Variants in SNX31 observed in about 807,000 individuals in gnomAD.
SNX31 encodes the protein sorting nexin 31, also known as sorting nexin-31.
SNX31 carries 58 observed loss-of-function variants against 65.4 expected under a neutral mutation model. The observed-to-expected ratio is 0.89, with a 90% CI of 0.72 to 1.10. The LOEUF (loss-of-function observed/expected upper bound fraction) is 1.10. Among genes scored for constraint, SNX31 ranks in the 50% least tolerant of loss-of-function variants. The pLI, the probability that SNX31 is intolerant of heterozygous loss-of-function variation, is 0.00. For missense variants in SNX31, 523 were observed against 529.7 expected, an observed-to-expected ratio of 0.99 and a Z score of 0.12; for synonymous variants, 181 against 190.1, an observed-to-expected ratio of 0.95 and a Z score of 0.39.
At chr8:100,579,147 T>G (rs527655175) in intron 12 of SNX31, among the ~76,000 whole-genome samples, 8 of 152,310 alleles carry the variant, frequency 5.3e-5, no homozygotes, top group African/African-American at 1.9e-4. Context: ...TAAATAGTCT[T>G]GCAGCCATGA....
chr8:100,612,649 T>C lies in SNX31; in HGVS notation c.523+346A>G, dbSNP rs1816814037. On this transcript the variant is annotated intron_variant, in intron 6 of 13. Coordinates refer to ENST00000311812, the MANE Select transcript of SNX31 (RefSeq NM_152628.4). The surrounding 1 kb of genome is among the most constrained non-coding windows in gnomAD (Gnocchi z 4.3). ...TTAACAAGGAGAAATGATGCTGTGG[T>C]GGGGCGTCCTGACCCCTGGAGTCTA... Among the ~76,000 whole-genome samples, 1 of 152,010 alleles carries C rather than the reference T, an allele frequency of 6.6e-6. No individual in the cohort carries two copies. Among genetic ancestry groups the C allele is most frequent in the African/African-American group, 2.4e-5 (1 of 41,402 alleles).
At chr8:100,615,521 G>A (rs1394419573) in intron 5 of SNX31, among the ~76,000 whole-genome samples, 1 of 152,174 alleles carries the variant, frequency 6.6e-6, no homozygotes, top group Non-Finnish European at 1.5e-5. Context: ...TTAATGACAG[G>A]AATACATTCT....
chr8:100,658,278 A>G (rs539142353), intron 1 of SNX31, among the ~76,000 whole-genome samples: 29 of 152,266 alleles, frequency 1.9e-4, no homozygotes, highest in Admixed American at 1.9e-3. Context: ...CTGTTGGAAA[A>G]ATGCCTCCCT....
chr8:100,585,068 C>A (rs182876091), intron 11 of SNX31, among the ~76,000 whole-genome samples: 220 of 152,234 alleles, frequency 1.4e-3, no homozygotes, highest in African/African-American at 5.0e-3. Context: ...ATGTTCTAGA[C>A]TCATAGTCAC....
intron 12 of SNX31, among the ~76,000 whole-genome samples, chr8:100,580,614 C>T (rs1813411421): frequency 6.6e-6 from 1 of 152,118 alleles, no homozygotes; most frequent in Non-Finnish European, 1.5e-5. Flanking sequence ...TACTTGCTGC[C>T]TAGAATGTGG....
intron 2 of SNX31, among the ~76,000 whole-genome samples, 188 bp from the exon 3 acceptor site, chr8:100,636,199 T>C (rs889819069): frequency 1.3e-5 from 2 of 152,238 alleles, no homozygotes; most frequent in African/African-American, 4.8e-5. Context: ...CAGTATATAT[T>C]CTGGAGACAT....
At chr8:100,639,320 A>G (rs1162003654) in intron 2 of SNX31, among the ~76,000 whole-genome samples, 2 of 152,236 alleles carry the variant, frequency 1.3e-5, no homozygotes, top group Admixed American at 6.5e-5. Context: ...GGTGAGAAAA[A>G]AAGTGCTGAC....
intron 4 of SNX31, among the ~76,000 whole-genome samples, chr8:100,620,230 G>T (rs1380505050): frequency 6.6e-6 from 1 of 152,144 alleles, no homozygotes; most frequent in East Asian, 1.9e-4. Context: ...TGGGGCTCAG[G>T]TCAGCTGACC....
At chr8:100,652,516 G>T (rs539017826), upstream of SNX31, among the ~76,000 whole-genome samples, 1 of 152,134 alleles carries the variant, frequency 6.6e-6, no homozygotes, top group African/African-American at 2.4e-5. Flanking sequence ...ACCTTATGGA[G>T]CCTAAGCTTA....
intron 10 of SNX31, among the ~76,000 whole-genome samples, chr8:100,591,260 A>T (rs1814548404): frequency 6.6e-6 from 1 of 152,200 alleles, no homozygotes. Context: ...GAGACAATAG[A>T]CAAGATGTCA....
chr8:100,573,351 G>C lies in SNX31; in HGVS notation c.*514C>G, dbSNP rs1812782864. The C allele has an allele frequency of 6.6e-6, 1 of 152,208 alleles. No homozygotes were observed. The allele number at this position is 152,208 out of a possible 1,614,324, so 9.4% of individuals were successfully genotyped here. ...TCCTTGCTCTAGTTCTGTGTGGATA[G>C]ATCAGAGAACCCAGGTTTCTTTTTC... On this transcript the variant is annotated 3_prime_UTR_variant, in exon 14 of 14. Transcript: ENST00000311812.
chr8:100,599,607 G>T (rs1033889194), intron 9 of SNX31, among the ~76,000 whole-genome samples: 1 of 151,908 alleles, frequency 6.6e-6, no homozygotes, highest in Non-Finnish European at 1.5e-5. Flanking sequence ...TTTCTGTTAC[G>T]TATAAATGAG....
chr8:100,589,040 C>T (rs983525360), intron 10 of SNX31, 61 bp from the exon 11 acceptor site: 28 of 1,332,416 alleles, frequency 2.1e-5, no homozygotes, highest in East Asian at 9.5e-5. Flanking sequence ...TTGCCGGGCA[C>T]GGTGGCTCAC....
At chr8:100,636,205 G>A (rs1818762479) in intron 2 of SNX31, among the ~76,000 whole-genome samples, 194 bp from the exon 3 acceptor site, 1 of 152,220 alleles carries the variant, frequency 6.6e-6, no homozygotes, top group African/African-American at 2.4e-5. Flanking sequence ...ATATTCTGGA[G>A]ACATTACTAG....
intron 1 of SNX31, among the ~76,000 whole-genome samples, chr8:100,659,769 A>C (rs1414359842): frequency 1.3e-5 from 2 of 152,198 alleles, no homozygotes; most frequent in Admixed American, 6.5e-5. Context: ...CATTTGGTAC[A>C]ATTTTAGTTT....
intron 4 of SNX31, chr8:100,618,080 T>C: frequency 1.0e-6 from 1 of 985,388 alleles, no homozygotes. Context: ...CACCATTTTT[T>C]AAAGCTGCAC....
intron 10 of SNX31, among the ~76,000 whole-genome samples, chr8:100,593,594 C>T (rs370030072): frequency 1.3e-5 from 2 of 152,108 alleles, no homozygotes; most frequent in Non-Finnish European, 2.9e-5. Context: ...GCTGGGATTA[C>T]AGATGCGCCC....
intron 8 of SNX31, among the ~76,000 whole-genome samples, chr8:100,602,978 T>C (rs1815785020): frequency 6.6e-6 from 1 of 152,080 alleles, no homozygotes; most frequent in Non-Finnish European, 1.5e-5. Context: ...ATTTTACAGA[T>C]GAGTAAATTG....
upstream of SNX31, among the ~76,000 whole-genome samples, chr8:100,650,800 G>A (rs1349738925): frequency 1.3e-5 from 2 of 152,018 alleles, no homozygotes; most frequent in African/African-American, 4.8e-5. Flanking sequence ...CCAGCTTAGT[G>A]GCTTCTAGTT....
Sources: gnomAD v4.1 joint callset for allele counts (sites outside exome capture counted in the v4.1 genomes callset) on GRCh38, gnomAD v4.1.1 for gene constraint, Gnocchi (gnomAD v3.1) non-coding constraint, MANE v1.5 for transcripts, NCBI Gene and HGNC (gene_info 2026-07-23, HGNC 2026-07-21) for gene names.